Variants in FER observed in about 807,000 individuals in gnomAD.
The protein encoded by FER is FER tyrosine kinase.
FER carries 63 observed loss-of-function variants against 111.0 expected under a neutral mutation model. That is an observed-to-expected ratio of 0.57 (90% CI 0.46 to 0.70). The LOEUF is 0.70. FER is among the 30% of genes least tolerant of loss of function. FER has a pLI of 0.00. For missense variants in FER, 914 were observed against 954.0 expected, an observed-to-expected ratio of 0.96 and a Z score of 0.55; for synonymous variants, 327 against 313.9, an observed-to-expected ratio of 1.04 and a Z score of -0.44.
intron 17 of FER, among the ~76,000 whole-genome samples, chr5:109,164,101 AGTGGATTGGC>A (rs1398153658): frequency 4.6e-5 from 7 of 152,194 alleles, no homozygotes. Context: ...GGAAAGTCCT[AGTGGATTGGC>A]TCATTCTTTC....
At chr5:109,172,654 AAT>A (rs1472998690) in intron 17 of FER, among the ~76,000 whole-genome samples, 81 of 152,046 alleles carry the variant, frequency 5.3e-4, no homozygotes, top group African/African-American at 1.9e-3. Context: ...AAAAGAAAAA[AAT>A]TTTTTATATG....
At chr5:108,817,136 A>AAAAAAC (rs1432051672) in intron 3 of FER, among the ~76,000 whole-genome samples, 2 of 142,890 alleles carry the variant, frequency 1.4e-5, no homozygotes, top group African/African-American at 2.6e-5. Context: ...AAAAAAAAAA[A>AAAAAAC]AGCTTGCAGT....
chr5:108,880,127 C>T (rs184709427), intron 8 of FER, among the ~76,000 whole-genome samples: 174 of 152,196 alleles, frequency 1.1e-3, no homozygotes, highest in Middle Eastern at 3.4e-3. Context: ...TACTGTCTAG[C>T]AGACTGTCTG....
At chr5:108,790,628 G>A (rs1446261426) in intron 2 of FER, among the ~76,000 whole-genome samples, 2 of 152,132 alleles carry the variant, frequency 1.3e-5, no homozygotes, top group African/African-American at 4.8e-5. Context: ...TATAAGTTAT[G>A]CTGTAGTAAT....
intron 17 of FER, among the ~76,000 whole-genome samples, chr5:109,157,350 A>G (rs960483826): frequency 1.3e-5 from 2 of 151,914 alleles, no homozygotes; most frequent in Non-Finnish European, 2.9e-5. Context: ...TGCTGTGATC[A>G]GTAATGGGGG....
At chr5:109,011,133 T>C (rs1363123697) in intron 13 of FER, among the ~76,000 whole-genome samples, 1 of 152,126 alleles carries the variant, frequency 6.6e-6, no homozygotes, top group East Asian at 1.9e-4. Context: ...GTTAATGCTA[T>C]AGGTATTGTT....
intron 5 of FER, among the ~76,000 whole-genome samples, chr5:108,844,994 GTGTA>G (rs1441257235): frequency 0.011 from 467 of 42,618 alleles, 17 homozygotes; most frequent in African/African-American, 0.034. Flanking sequence ...GTGTGTGTGT[GTGTA>G]TATATATATA....
At chr5:109,003,722 G>A (rs931683989) in intron 13 of FER, among the ~76,000 whole-genome samples, 13 of 152,088 alleles carry the variant, frequency 8.5e-5, no homozygotes, top group African/African-American at 2.7e-4. Flanking sequence ...TCTCTTACAT[G>A]TAATCCCAGC....
chr5:109,040,904 T>C (rs1206283184), intron 14 of FER, among the ~76,000 whole-genome samples: 1 of 152,136 alleles, frequency 6.6e-6, no homozygotes, highest in African/African-American at 2.4e-5. Flanking sequence ...TAGTTCACTT[T>C]TTATAACAGC....
chr5:108,784,746 G>A (rs950639640), intron 2 of FER, among the ~76,000 whole-genome samples: 16 of 152,186 alleles, frequency 1.1e-4, no homozygotes, highest in African/African-American at 3.9e-4. Flanking sequence ...CTGAAACAAA[G>A]GGATGGGCTC....
At chr5:108,872,642 G>T (rs1764708307) in intron 8 of FER, among the ~76,000 whole-genome samples, 1 of 152,106 alleles carries the variant, frequency 6.6e-6, no homozygotes, top group African/African-American at 2.4e-5. Flanking sequence ...TTGAAGCAGG[G>T]ATGTCTTCTG....
chr5:108,776,894 C>T (rs1201260385), intron 2 of FER, among the ~76,000 whole-genome samples: 1 of 152,132 alleles, frequency 6.6e-6, no homozygotes, highest in Non-Finnish European at 1.5e-5. Flanking sequence ...TAAAAATATA[C>T]TTTTTAAAAG....
intron 3 of FER, among the ~76,000 whole-genome samples, chr5:108,812,042 A>G (rs79429890): frequency 0.017 from 2,620 of 152,306 alleles, 31 homozygotes; most frequent in Middle Eastern, 0.051. Flanking sequence ...GAGTCAGTCA[A>G]GTTGACACAT....
chr5:108,864,563 G>C (rs551018393), intron 5 of FER, among the ~76,000 whole-genome samples: 228 of 152,264 alleles, frequency 1.5e-3, no homozygotes, highest in Non-Finnish European at 2.5e-3. Context: ...TTCTGTTTCA[G>C]CTTTCTACAT....
chr5:108,982,135 A>G (rs1444132226), intron 13 of FER, among the ~76,000 whole-genome samples: 3 of 152,108 alleles, frequency 2.0e-5, no homozygotes, highest in Non-Finnish European at 4.4e-5. Context: ...CCACACCTAC[A>G]GAATCAGAAA....
chr5:109,184,478 G>T (rs1195948906), intron 18 of FER, among the ~76,000 whole-genome samples: 1 of 152,114 alleles, frequency 6.6e-6, no homozygotes, highest in African/African-American at 2.4e-5. Flanking sequence ...AGGTTTCAGA[G>T]CTAGGTTATA....
At chr5:109,028,175 T>C (rs1036541213) in intron 13 of FER, among the ~76,000 whole-genome samples, 1 of 152,212 alleles carries the variant, frequency 6.6e-6, no homozygotes, top group Non-Finnish European at 1.5e-5. Context: ...GCCAGTTATA[T>C]TGACATACTT....
At chr5:109,064,539 G>A (rs1774848175) in intron 16 of FER, among the ~76,000 whole-genome samples, 1 of 152,078 alleles carries the variant, frequency 6.6e-6, no homozygotes, top group African/African-American at 2.4e-5. Context: ...CTATTAATGA[G>A]GAAATGTTGG....
chr5:109,036,221 T>C (rs1389617107), intron 13 of FER, among the ~76,000 whole-genome samples: 1 of 152,116 alleles, frequency 6.6e-6, no homozygotes, highest in African/African-American at 2.4e-5. Context: ...AACCTTCACT[T>C]ACCCACTTGA....
Sources: gnomAD v4.1 joint callset for allele counts (sites outside exome capture counted in the v4.1 genomes callset) on GRCh38, gnomAD v4.1.1 for gene constraint, MANE v1.5 for transcripts, NCBI Gene and HGNC (gene_info 2026-07-23, HGNC 2026-07-21) for gene names.